The following WWOX variants were observed in gnomAD, a reference collection of about 807,000 sequenced individuals.
WWOX encodes the protein WW domain containing oxidoreductase.
In WWOX, 69 loss-of-function variants were observed where a neutral mutation model predicts 46.2. That is an observed-to-expected ratio of 1.49 (90% CI 1.23 to 1.82). WWOX has a LOEUF of 1.82. Among genes scored for constraint, WWOX ranks in the 40% most tolerant of loss-of-function variants. The probability of loss-of-function intolerance (pLI) is 0.00; values close to 1 mark genes in which losing one functional copy is unlikely to be tolerated. For synonymous variants in WWOX, 359 were observed against 202.6 expected, an observed-to-expected ratio of 1.77 and a Z score of -6.56; for missense variants, 919 against 542.6, an observed-to-expected ratio of 1.69 and a Z score of -6.89.
At chr16:78,379,599 A>G (rs1174216483) in intron 5 of WWOX, among the ~76,000 whole-genome samples, 1 of 152,228 alleles carries the variant, frequency 6.6e-6, no homozygotes, top group East Asian at 1.9e-4. Context: ...TAAGTGGAGA[A>G]CGCAAGGCCC....
intron 8 of WWOX, among the ~76,000 whole-genome samples, chr16:78,644,979 T>G (rs1356627286): frequency 6.6e-6 from 1 of 152,204 alleles, no homozygotes; most frequent in Non-Finnish European, 1.5e-5. Flanking sequence ...TGAGTTTTGG[T>G]TCTACTCTTC....
At chr16:78,431,502 A>T (rs28477734) in intron 7 of WWOX, among the ~76,000 whole-genome samples, 1 of 152,144 alleles carries the variant, frequency 6.6e-6, no homozygotes, top group Non-Finnish European at 1.5e-5. Flanking sequence ...TAGGAATGTG[A>T]TATCTTTCTG....
At chr16:78,640,964 AGAAAG>A (rs2046693631) in intron 8 of WWOX, among the ~76,000 whole-genome samples, 4 of 151,754 alleles carry the variant, frequency 2.6e-5, no homozygotes, top group Non-Finnish European at 5.9e-5. Context: ...GAAGAAGAAA[AGAAAG>A]GAAGGACAGA....
intron 8 of WWOX, among the ~76,000 whole-genome samples, chr16:78,632,942 C>T (rs1019608726): frequency 1.3e-5 from 2 of 151,992 alleles, no homozygotes; most frequent in Non-Finnish European, 2.9e-5. Flanking sequence ...AGGGATCCAA[C>T]ATTTATTATC....
intron 5 of WWOX, among the ~76,000 whole-genome samples, chr16:78,171,020 A>G (rs1443100703): frequency 6.6e-6 from 1 of 152,234 alleles, no homozygotes; most frequent in Non-Finnish European, 1.5e-5. Flanking sequence ...TAGGGATAGT[A>G]CTGACAGCAT....
At position 78,245,352 on chromosome 16, in the gene WWOX, G is replaced by A. The variant is rs578133506; in HGVS notation, c.516+81063G>A. On this transcript the variant is annotated intron_variant, in intron 5 of 8. Coordinates refer to ENST00000566780, the MANE Select transcript of WWOX (RefSeq NM_016373.4). ...ATTTCCATGGCCACGAACATCTTTG[G>A]TTCTAAAGCATTTTTCCCATTTAAA... Among the ~76,000 whole-genome samples, 7 of 152,250 alleles carry A rather than the reference G, an allele frequency of 4.6e-5. No individual in the cohort carries two copies. The South Asian group carries it at 1.5e-3, about 32-fold the overall frequency.
chr16:78,744,350 G>A, intron 8 of WWOX, among the ~76,000 whole-genome samples: 1 of 150,170 alleles, frequency 6.7e-6, no homozygotes, highest in East Asian at 2.0e-4. Flanking sequence ...CTTTTTTATA[G>A]TGACTGCATG....
intron 5 of WWOX, among the ~76,000 whole-genome samples, chr16:78,208,399 A>C (rs182804083): frequency 6.6e-6 from 1 of 152,228 alleles, no homozygotes; most frequent in Non-Finnish European, 1.5e-5. Context: ...TTACATATGT[A>C]TATGAAACGG....
chr16:78,432,429 A>G (rs967999788), intron 7 of WWOX, 59 bp from the exon 8 acceptor site: 3 of 1,599,304 alleles, frequency 1.9e-6, no homozygotes, highest in African/African-American at 2.7e-5. Flanking sequence ...CAATAAAAAT[A>G]AAAAGCTGTG....
At chr16:78,575,040 T>G (rs1476614566) in intron 8 of WWOX, among the ~76,000 whole-genome samples, 1 of 4,110 alleles carries the variant, frequency 2.4e-4, no homozygotes, top group Non-Finnish European at 4.8e-4. Context: ...TATATATATA[T>G]ATATATATAT....
At chr16:78,283,744 C>A (rs1224407202) in intron 5 of WWOX, among the ~76,000 whole-genome samples, 1 of 150,700 alleles carries the variant, frequency 6.6e-6, no homozygotes. Flanking sequence ...CTCCCCCAAA[C>A]AATGGTTACA....
At chr16:78,760,025 G>A (rs1021369946) in intron 8 of WWOX, among the ~76,000 whole-genome samples, 2 of 152,100 alleles carry the variant, frequency 1.3e-5, no homozygotes, top group African/African-American at 2.4e-5. Flanking sequence ...CATCCAGGAT[G>A]TATTTGTCTG....
chr16:78,952,146 C>G (rs1016450845), intron 8 of WWOX, among the ~76,000 whole-genome samples: 7 of 152,028 alleles, frequency 4.6e-5, no homozygotes, highest in African/African-American at 1.4e-4. Flanking sequence ...TTGTAACCCT[C>G]TACCCTCTCT....
At chr16:79,004,570 C>T (rs897836709) in intron 8 of WWOX, 4 of 152,272 alleles carry the variant, frequency 2.6e-5, no homozygotes, top group African/African-American at 9.7e-5. Context: ...ATTGCGATCC[C>T]TTCAGGCCTC....
chr16:78,647,154 GA>G (rs1401784547), intron 8 of WWOX, among the ~76,000 whole-genome samples: 1 of 152,132 alleles, frequency 6.6e-6, no homozygotes, highest in East Asian at 1.9e-4. Flanking sequence ...TCTAGCTGGG[GA>G]CATCCTTGAA....
chr16:78,264,009 TTTTTTTG>T lies in WWOX; in HGVS notation c.516+99727_516+99733del, dbSNP rs1001475193. On this transcript the variant is annotated intron_variant, in intron 5 of 8. Transcript: ENST00000566780. ...TGGCTGTGAAATCTTTTTTTTTTTT[TTTTTTTG>T]TTTTTTTGCTGTGGAGCGCAAAATG... Among the ~76,000 whole-genome samples, 28 of 139,388 alleles carry T rather than the reference TTTTTTTG, an allele frequency of 2.0e-4. 1 individual carries two copies. Among genetic ancestry groups the T allele is most frequent in the South Asian group, 7.3e-4 (3 of 4,094 alleles). 91.4% of individuals were successfully genotyped at this position (139,388 alleles called of 152,430 possible). A position where few individuals can be genotyped will look rare whatever the true frequency, so the allele number is the denominator to read the frequency against.
At chr16:78,109,908 C>G in intron 3 of WWOX, 73 bp downstream of exon 3, 1 of 1,479,156 alleles carries the variant, frequency 6.8e-7, no homozygotes, top group Non-Finnish European at 9.4e-7. Flanking sequence ...AAAAGTAATA[C>G]ATAGTAACTG....
intron 8 of WWOX, among the ~76,000 whole-genome samples, chr16:78,828,376 G>A (rs532472941): frequency 1.4e-4 from 21 of 152,230 alleles, no homozygotes; most frequent in South Asian, 2.1e-4. Flanking sequence ...GAACGGATAC[G>A]GTTAGGACCA....
chr16:78,819,712 TAAGCCGCA>T (rs1349751004), intron 8 of WWOX, among the ~76,000 whole-genome samples: 1 of 152,208 alleles, frequency 6.6e-6, no homozygotes, highest in Non-Finnish European at 1.5e-5. Flanking sequence ...CCTGTTGGCC[TAAGCCGCA>T]ATTCTGGGGT....
Sources: allele counts gnomAD v4.1 joint callset (sites outside exome capture counted in the v4.1 genomes callset), GRCh38; gene constraint gnomAD v4.1.1; transcripts MANE v1.5; gene names NCBI Gene and HGNC (gene_info 2026-07-23, HGNC 2026-07-21).